ELMO1: variants seen among roughly 807,000 people sequenced by gnomAD.
ELMO1 encodes the protein engulfment and cell motility protein 1.
In ELMO1, 26 loss-of-function variants were observed where a neutral mutation model predicts 98.9. The observed-to-expected ratio is 0.26, with a 90% confidence interval of 0.19 to 0.36. ELMO1 has a LOEUF of 0.36. ELMO1 is among the 10% of genes least tolerant of loss of function. The pLI, the probability that ELMO1 is intolerant of heterozygous loss-of-function variation, is 1.00. For missense variants in ELMO1, 627 were observed against 935.2 expected (o/e 0.67, Z 4.30); for synonymous variants, 346 against 346.0 (o/e 1.00, Z 0.00).
chr7:37,179,101 T>C (rs1405684087), intron 13 of ELMO1, among the ~76,000 whole-genome samples: 6 of 152,078 alleles, frequency 3.9e-5, no homozygotes, highest in Non-Finnish European at 5.9e-5. Flanking sequence ...GGGAACAGGG[T>C]AACACTCTGT....
At chr7:37,115,827 C>A (rs1162105424) in intron 14 of ELMO1, among the ~76,000 whole-genome samples, 3 of 151,360 alleles carry the variant, frequency 2.0e-5, no homozygotes, top group Non-Finnish European at 4.4e-5. Flanking sequence ...ACATGATTGT[C>A]TATGTAGAAA....
intron 21 of ELMO1, among the ~76,000 whole-genome samples, chr7:36,859,209 G>GA (rs113367435): frequency 6.6e-6 from 1 of 151,960 alleles, no homozygotes; most frequent in Non-Finnish European, 1.5e-5. Context: ...AAGTATGAAA[G>GA]AAAAAAACAC....
chr7:37,299,396 G>A (rs1353156970), intron 4 of ELMO1, among the ~76,000 whole-genome samples: 2 of 144,436 alleles, frequency 1.4e-5, no homozygotes, highest in South Asian at 2.3e-4. Context: ...GGGTTTTTAT[G>A]GTTTTAGGTC....
chr7:37,328,383 C>CAAAAAAA (rs10669717), intron 2 of ELMO1, among the ~76,000 whole-genome samples: 6,599 of 64,552 alleles, frequency 0.1, 1,417 homozygotes, highest in Non-Finnish European at 0.13. Flanking sequence ...GACCCTGCCA[C>CAAAAAAA]AAAAAAAAAA....
intron 16 of ELMO1, among the ~76,000 whole-genome samples, chr7:36,955,734 G>A (rs772997654): frequency 6.6e-6 from 1 of 152,044 alleles, no homozygotes; most frequent in African/African-American, 2.4e-5. Context: ...TACCCTATTC[G>A]TGACCTTAAT....
intron 16 of ELMO1, among the ~76,000 whole-genome samples, chr7:36,914,018 C>T (rs894435145): frequency 6.6e-6 from 1 of 152,184 alleles, no homozygotes; most frequent in Admixed American, 6.5e-5. Flanking sequence ...CGTTTTTCTA[C>T]CTTTGGAAAG....
At chr7:37,213,600 A>G in intron 11 of ELMO1, 143 bp from the exon 12 acceptor site, 2 of 748,832 alleles carry the variant, frequency 2.7e-6, no homozygotes, top group South Asian at 4.6e-5. Flanking sequence ...GGAATTTCAG[A>G]GCTTTCCTTT....
At chr7:36,901,366 T>TAACAGA (rs1806492883) in intron 16 of ELMO1, among the ~76,000 whole-genome samples, 1 of 152,176 alleles carries the variant, frequency 6.6e-6, no homozygotes, top group Non-Finnish European at 1.5e-5. Flanking sequence ...AGACAGGGGT[T>TAACAGA]AGCAAACTTC....
At chr7:37,341,053 A>G (rs1401611843) in intron 2 of ELMO1, among the ~76,000 whole-genome samples, 3 of 152,206 alleles carry the variant, frequency 2.0e-5, no homozygotes, top group Non-Finnish European at 2.9e-5. Flanking sequence ...ACACAGGGAT[A>G]CCCTGGAGAT....
chr7:37,031,284 C>G (rs1377971808), intron 15 of ELMO1, among the ~76,000 whole-genome samples: 1 of 152,158 alleles, frequency 6.6e-6, no homozygotes, highest in African/African-American at 2.4e-5. Context: ...AACACGGACC[C>G]TGACTCGCCC....
rs138707254 is a variant in ELMO1, at chr7:36,855,348, G to A, written c.*203C>T. On this transcript the variant is annotated 3_prime_UTR_variant, in exon 22 of 22. Coordinates refer to ENST00000310758, the MANE Select transcript of ELMO1 (RefSeq NM_014800.11). This position sits in a 1 kb window ranked among gnomAD's most constrained non-coding sequence, Gnocchi z 4.2. ...ATGGGAAGTGACCTGAAGCAGTGGA[G>A]CCGAGGAACAGAATCAGGGCGGTGA... 1.3e-4 allele frequency: 78 copies of A among 615,884 alleles called. No homozygotes were observed. In the East Asian group the frequency reaches 2.1e-3, roughly 17 times the overall value. The allele number at this position is 615,884 out of a possible 1,614,324, so 38.2% of individuals were successfully genotyped here.
chr7:37,018,033 A>G (rs1349454163), intron 15 of ELMO1, among the ~76,000 whole-genome samples: 2 of 152,220 alleles, frequency 1.3e-5, no homozygotes, highest in Non-Finnish European at 2.9e-5. Flanking sequence ...AACTACATAA[A>G]GTCCGTAAGC....
chr7:36,950,200 G>T (rs1162155399), intron 16 of ELMO1, among the ~76,000 whole-genome samples: 1 of 152,166 alleles, frequency 6.6e-6, no homozygotes, highest in African/African-American at 2.4e-5. Flanking sequence ...GGAGATGAGC[G>T]ACTCCTGACT....
intron 1 of ELMO1, among the ~76,000 whole-genome samples, chr7:37,380,548 T>G (rs935879198): frequency 2.0e-5 from 3 of 152,240 alleles, no homozygotes; most frequent in African/African-American, 7.2e-5. Flanking sequence ...CAATGTTACT[T>G]TCCGAAGCTG....
intron 1 of ELMO1, among the ~76,000 whole-genome samples, chr7:37,344,972 G>A (rs935402798): frequency 1.3e-5 from 2 of 152,212 alleles, no homozygotes; most frequent in African/African-American, 4.8e-5. Context: ...GATCTCAGCA[G>A]TAGCTGGACA....
rs192805285 is a variant in ELMO1 at position 37,376,815 on chromosome 7, C to T, written c.-73-34052G>A. 7.2e-5 allele frequency among the ~76,000 whole-genome samples: 11 copies of T among 152,280 alleles called. No individual in the cohort carries two copies. In the East Asian group the frequency reaches 1.7e-3, roughly 24 times the overall value. On this transcript the variant is annotated intron_variant, in intron 1 of 21. Coordinates refer to ENST00000310758, the MANE Select transcript of ELMO1 (RefSeq NM_014800.11). ...CCCTATTTCAACACCACCGTCTCAG[C>T]GTTTTGGCTTTATCTGTGTAGCAGG...
At chr7:37,132,545 T>C (rs1786995142) in intron 14 of ELMO1, among the ~76,000 whole-genome samples, 1 of 152,164 alleles carries the variant, frequency 6.6e-6, no homozygotes, top group Non-Finnish European at 1.5e-5. Flanking sequence ...ATTCATTTAT[T>C]CTCCATGCCA....
chr7:37,388,475 C>G (rs1327940128), intron 1 of ELMO1, among the ~76,000 whole-genome samples: 26 of 150,878 alleles, frequency 1.7e-4, no homozygotes, highest in Admixed American at 1.7e-3. Flanking sequence ...GACATTTCAG[C>G]TTTCTGGGAA....
At chr7:37,217,853 G>C (rs981969336) in intron 10 of ELMO1, 5 of 453,982 alleles carry the variant, frequency 1.1e-5, no homozygotes, top group African/African-American at 1.0e-4. Context: ...CACTGTATTT[G>C]AACGCCCCTG....
Sources: allele counts gnomAD v4.1 joint callset (sites outside exome capture counted in the v4.1 genomes callset), GRCh38; gene constraint gnomAD v4.1.1; non-coding constraint Gnocchi (gnomAD v3.1); transcripts MANE v1.5; gene names NCBI Gene and HGNC (gene_info 2026-07-23, HGNC 2026-07-21).